Variants in ASB11 observed in about 807,000 individuals in gnomAD.
The protein encoded by ASB11 is ankyrin repeat and SOCS box containing 11.
Under a neutral mutation model 20.1 loss-of-function variants are expected in ASB11, and 17 were observed. The observed-to-expected ratio is 0.85, with a 90% CI of 0.58 to 1.27. The LOEUF (loss-of-function observed/expected upper bound fraction) is 1.27, where lower values mean the gene tolerates loss of function less well. ASB11 is among the 50% of genes most tolerant of loss of function. The pLI, the probability that ASB11 is intolerant of heterozygous loss-of-function variation, is 0.00. For synonymous variants in ASB11, 107 were observed against 105.6 expected, an observed-to-expected ratio of 1.01 and a Z score of -0.08; for missense variants, 259 against 256.9, an observed-to-expected ratio of 1.01 and a Z score of -0.06.
rs1044227696 is a variant in ASB11, at chrX:15,289,559, T to C, written c.600A>G (p.Leu200=). 8.3e-7 allele frequency: 1 copy of C among 1,207,263 alleles called. No homozygotes were observed. Among genetic ancestry groups the C allele is most frequent in the African/African-American group, 1.8e-5 (1 of 57,095 alleles). The change falls in exon 5 of 7, where the codon CTA becomes CTG. Residue 200 remains leucine (L), a synonymous_variant. Transcript: ENST00000480796. ...DHEVPQLGTP[L]YVACTYQRVD... ...CCCTCTGGTAGGTGCAGGCCACATATAGGGGAGTTCCGAGCTGAGGCACCT... is the reference window on the plus strand; with the variant it reads ...CCCTCTGGTAGGTGCAGGCCACATACAGGGGAGTTCCGAGCTGAGGCACCT...
intron 1 of ASB11, among the ~76,000 whole-genome samples, chrX:15,303,598 T>C (rs1921142492): frequency 8.9e-6 from 1 of 111,997 alleles, no homozygotes; most frequent in Non-Finnish European, 1.9e-5. Context: ...AAAGCTTTGT[T>C]GTGGGCAGCT....
Position 15,315,508 on chromosome X carries a change from G to T in ASB11, c.98C>A (p.Ala33Asp). 1 of 1,193,773 alleles carries T rather than the reference G, an allele frequency of 8.4e-7. No individual in the cohort carries two copies. Among genetic ancestry groups the T allele is most frequent in the Non-Finnish European group, 1.1e-6 (1 of 887,932 alleles). ...GACGATATAGAAATGGGTTAGGAGAGCCAAAAAAACTTTAATTAAAAGCTT... is the reference window on the plus strand; with the variant it reads ...GACGATATAGAAATGGGTTAGGAGATCCAAAAAAACTTTAATTAAAAGCTT... ...FFKLLIKVFL[A>D]LLTHFYIVKG... Residue 33 changes from alanine to aspartate, a missense_variant, in exon 1 of 7, where the codon GCT (alanine) becomes GAT (aspartate). Transcript: ENST00000480796.
chrX:15,302,191 C>T (rs751172542), intron 2 of ASB11, among the ~76,000 whole-genome samples: 17 of 111,469 alleles, frequency 1.5e-4, no homozygotes, highest in Non-Finnish European at 2.6e-4. Flanking sequence ...AGTTTGAAAG[C>T]AGATCCTGCC....
intron 1 of ASB11, 104 bp downstream of exon 1, chrX:15,315,321 A>G: frequency 1.3e-6 from 1 of 743,855 alleles, no homozygotes; most frequent in South Asian, 6.4e-5. Flanking sequence ...CTACCCACTT[A>G]AAATCAAAGT....
chrX:15,283,349 C>G lies in ASB11; in HGVS notation c.*156G>C. The G allele has an allele frequency of 1.4e-6, 1 of 715,617 alleles. No homozygotes were observed. The highest frequency in any genetic ancestry group is 3.9e-4 in the Middle Eastern group (1 of 2,571). 59.0% of individuals were successfully genotyped at this position (715,617 alleles called of 1,213,427 possible). A position where few individuals can be genotyped will look rare whatever the true frequency, so the allele number is the denominator to read the frequency against. On this transcript the variant is annotated 3_prime_UTR_variant, in exon 7 of 7. Coordinates refer to ENST00000480796, the MANE Select transcript of ASB11 (RefSeq NM_080873.3). ...GAACATTAAACTAACCAGGAGTTTCCACTCCTCAAGTGTTCTAGCTCATGG... is the reference window on the plus strand; with the variant it reads ...GAACATTAAACTAACCAGGAGTTTCGACTCCTCAAGTGTTCTAGCTCATGG...
At chrX:15,284,127 C>T (rs1460242902) in intron 6 of ASB11, among the ~76,000 whole-genome samples, 1 of 106,672 alleles carries the variant, frequency 9.4e-6, no homozygotes, top group African/African-American at 3.5e-5. Flanking sequence ...TGGCGGGTGC[C>T]TATAGTCCCA....
At chrX:15,286,663 CAAAAAAAAAA>C (rs764801887) in intron 6 of ASB11, among the ~76,000 whole-genome samples, 2 of 54,408 alleles carry the variant, frequency 3.7e-5, no homozygotes, top group African/African-American at 1.5e-4. Context: ...GACTCCATCT[CAAAAAAAAAA>C]AAAAAAAAAA....
chrX:15,287,253 T>C lies in ASB11; in HGVS notation c.847+628A>G, dbSNP rs755875255. 7.1e-5 allele frequency among the ~76,000 whole-genome samples: 8 copies of C among 113,067 alleles called. No individual in the cohort carries two copies. The South Asian group carries it at 1.1e-3, about 15-fold the overall frequency. On this transcript the variant is annotated intron_variant, in intron 6 of 6. Transcript: ENST00000480796. ...TCTCCCAATATTACAAAGCAGAGTT[T>C]TGGTTTGCTCAATCATACGCTTATG...
intron 3 of ASB11, among the ~76,000 whole-genome samples, chrX:15,296,581 T>A (rs1375012917): frequency 2.7e-5 from 3 of 111,876 alleles, no homozygotes; most frequent in Non-Finnish European, 5.6e-5. Context: ...TTGAAAAAAG[T>A]TTGGAGATAA....
chrX:15,307,476 G>A (rs964525771), intron 1 of ASB11, among the ~76,000 whole-genome samples: 21 of 112,263 alleles, frequency 1.9e-4, no homozygotes, highest in African/African-American at 5.8e-4. Flanking sequence ...TAGGTCCCTT[G>A]CATGTGCAGT....
At chrX:15,284,062 C>T (rs1174568049) in intron 6 of ASB11, among the ~76,000 whole-genome samples, 3 of 107,307 alleles carry the variant, frequency 2.8e-5, no homozygotes, top group Non-Finnish European at 5.7e-5. Context: ...ACCATCCTGG[C>T]TAACACGGTG....
rs747332776 is a variant in ASB11, at chrX:15,283,564, G to C, written c.913C>G (p.Gln305Glu). The C allele has an allele frequency of 3.1e-5, 37 of 1,207,710 alleles. No homozygotes were observed. Among genetic ancestry groups the C allele is most frequent in the Non-Finnish European group, 4.0e-5 (36 of 893,696 alleles). Residue 305 changes from glutamine (Q) to glutamate (E), a missense_variant, in exon 7 of 7, where the codon CAA becomes GAA. Transcript: ENST00000480796. ...GGCAGATGTAGCTTGTGGATGGCTT[G>C]ATGACATGCTCGACCGAGACACTTC... Reference protein sequence around the residue: ...VRKCLGRACHQAIHKLHLPEP... With the variant: ...VRKCLGRACHEAIHKLHLPEP...
At chrX:15,297,048 C>G (rs1315852060) in intron 3 of ASB11, among the ~76,000 whole-genome samples, 1 of 112,458 alleles carries the variant, frequency 8.9e-6, no homozygotes, top group African/African-American at 3.2e-5. Context: ...AATCCCAGCA[C>G]TTTGGGAGGC....
Position 15,288,009 on chromosome X carries a change from T to C in ASB11, c.719A>G (p.Asn240Ser), listed in dbSNP as rs771435987. The stretch of plus-strand genomic sequence containing the variant: ...GGTTAGCAGGTGGATGACCTCCACA[T>C]TGGACTGCCTCGCTGCAGCATGGAG... ...TPLHAAARQS[N>S]VEVIHLLTDY... The change falls in exon 6 of 7, where the codon AAT becomes AGT. Residue 240 changes from asparagine to serine, a missense_variant. Asn to Ser is a conservative substitution (Grantham distance 46, BLOSUM62 1). Transcript: ENST00000480796. The C allele has an allele frequency of 3.3e-6, 4 of 1,210,838 alleles. No homozygotes were observed. Among genetic ancestry groups the C allele is most frequent in the Admixed American group, 2.2e-5 (1 of 45,860 alleles).
chrX:15,314,730 C>G (rs1342777398), intron 1 of ASB11, among the ~76,000 whole-genome samples: 3 of 108,929 alleles, frequency 2.8e-5, no homozygotes, highest in Non-Finnish European at 5.7e-5. Flanking sequence ...GTGACAATCC[C>G]AGGAGTGACA....
chrX:15,309,829 G>A (rs1238542944), intron 1 of ASB11, among the ~76,000 whole-genome samples: 2 of 108,369 alleles, frequency 1.8e-5, no homozygotes, highest in South Asian at 4.2e-4. Flanking sequence ...TTAGCCAGGC[G>A]TGGTGGCGGG....
At chrX:15,284,076 CCCCG>C (rs1927280996) in intron 6 of ASB11, among the ~76,000 whole-genome samples, 1 of 105,810 alleles carries the variant, frequency 9.5e-6, no homozygotes, top group Non-Finnish European at 1.9e-5. Flanking sequence ...CACGGTGAAA[CCCCG>C]TGTCCACTAA....
In ASB11 at chrX:15,293,194, GC is replaced by G. The variant is rs1458620515; in HGVS notation, c.495del (p.Ile167SerfsTer5). On this transcript the variant is annotated frameshift_variant, in exon 4 of 7. Transcript: ENST00000480796. LOFTEE classifies it high-confidence loss of function. The part of the protein sequence containing the change: ...AKAQLEVHLA[S>X]PIHEAVKRGH... ...CCTCTCTTCACTGCCTCATGGATGG[GC>G]GAGGCCAGGTGCACCTCCAACTGGG... The G allele has an allele frequency of 2.5e-6, 3 of 1,211,001 alleles. No homozygotes were observed. The highest frequency in any genetic ancestry group is 3.4e-6 in the Non-Finnish European group (3 of 895,209).
rs1049909260 is a variant in ASB11 at position 15,291,476 on chromosome X, TG to T, written c.520+1693del. On this transcript the variant is annotated intron_variant, in intron 4 of 6. Coordinates refer to ENST00000480796, the MANE Select transcript of ASB11 (RefSeq NM_080873.3). ...ATACCAGCACTTTGGAAGGCTGAGG[TG>T]GGTGGATCACCTGAGGTCAGGAGTC... Among the ~76,000 whole-genome samples, 13 of 111,215 alleles carry T rather than the reference TG, an allele frequency of 1.2e-4. 1 individual carries two copies. Among genetic ancestry groups the T allele is most frequent in the Admixed American group, 1.2e-3 (12 of 10,382 alleles).
Sources: gnomAD v4.1 joint callset for allele counts (sites outside exome capture counted in the v4.1 genomes callset) on GRCh38, gnomAD v4.1.1 for gene constraint, MANE v1.5 for transcripts, NCBI Gene and HGNC (gene_info 2026-07-23, HGNC 2026-07-21) for gene names.